The following SEMA6D variants were observed in gnomAD, a reference collection of about 807,000 sequenced individuals.
SEMA6D encodes the protein semaphorin-6D.
Under a neutral mutation model 106.6 loss-of-function variants are expected in SEMA6D, and 35 were observed. That is an observed-to-expected ratio of 0.33 (90% confidence interval 0.25 to 0.44). SEMA6D has a LOEUF of 0.44. Ranked by LOEUF, SEMA6D falls within the 20% of genes least tolerant of loss-of-function variation. The pLI is 1.00. For missense variants in SEMA6D, 1,185 were observed against 1,345.9 expected (o/e 0.88, Z 1.87); for synonymous variants, 499 against 487.7 (o/e 1.02, Z -0.31).
At chr15:47,332,429 T>C (rs948816303) in intron 1 of SEMA6D, among the ~76,000 whole-genome samples, 11 of 152,194 alleles carry the variant, frequency 7.2e-5, no homozygotes, top group African/African-American at 2.2e-4. Context: ...TATCTTTAAG[T>C]TCAAGGTTTT....
At chr15:47,243,043 A>G (rs1036973213) in intron 1 of SEMA6D, among the ~76,000 whole-genome samples, 1 of 152,138 alleles carries the variant, frequency 6.6e-6, no homozygotes. Context: ...AAACACACAC[A>G]ATCACTTATA....
rs546599053 is a variant in SEMA6D at position 47,220,102 on chromosome 15, C to A, written c.-239+35684C>A. Among the ~76,000 whole-genome samples the A allele has an allele frequency of 6.6e-5, 10 of 152,302 alleles. No individual in the cohort carries two copies. The East Asian group carries it at 1.7e-3, about 27-fold the overall frequency. ...AGCACACTGTCACCTCCACTATATTCTGTTGGCCAAAACAAGTTGCAGGGC... is the reference window on the plus strand; with the variant it reads ...AGCACACTGTCACCTCCACTATATTATGTTGGCCAAAACAAGTTGCAGGGC... On this transcript the variant is annotated intron_variant, in intron 1 of 19. Coordinates refer to the SEMA6D transcript ENST00000558014.
intron 1 of SEMA6D, among the ~76,000 whole-genome samples, chr15:47,233,939 A>T (rs1251921306): frequency 6.6e-6 from 1 of 151,754 alleles, no homozygotes; most frequent in East Asian, 1.9e-4. Context: ...TTAGCTAGGA[A>T]CTCCAATACA....
intron 2 of SEMA6D, among the ~76,000 whole-genome samples, chr15:47,444,771 A>C (rs2041979780): frequency 6.6e-6 from 1 of 152,086 alleles, no homozygotes; most frequent in Admixed American, 6.6e-5. Context: ...AGTGTCTAGG[A>C]GTGGGTGTCT....
chr15:47,364,200 T>TA (rs537580141), intron 1 of SEMA6D, among the ~76,000 whole-genome samples: 2 of 152,220 alleles, frequency 1.3e-5, no homozygotes, highest in African/African-American at 2.4e-5. Context: ...ATCACTCAGT[T>TA]AGACTTGCTC....
At chr15:47,276,116 G>C (rs1238112172) in intron 1 of SEMA6D, among the ~76,000 whole-genome samples, 1 of 152,126 alleles carries the variant, frequency 6.6e-6, no homozygotes, top group African/African-American at 2.4e-5. Context: ...AAGAAGAAAA[G>C]TTTGAAGCTA....
chr15:47,331,542 TAC>T (rs2037339937), intron 1 of SEMA6D, among the ~76,000 whole-genome samples: 1 of 152,156 alleles, frequency 6.6e-6, no homozygotes, highest in Admixed American at 6.6e-5. Flanking sequence ...ATAAAATATA[TAC>T]AGTGTTATAT....
intron 1 of SEMA6D, among the ~76,000 whole-genome samples, chr15:47,193,545 G>C (rs1270844611): frequency 6.6e-6 from 1 of 152,100 alleles, no homozygotes; most frequent in African/African-American, 2.4e-5. Flanking sequence ...ACTCTTCTCT[G>C]CTTAAAACCA....
At chr15:47,250,416 A>G (rs1034067854) in intron 1 of SEMA6D, among the ~76,000 whole-genome samples, 11 of 152,058 alleles carry the variant, frequency 7.2e-5, no homozygotes, top group African/African-American at 1.9e-4. Context: ...GAGAGAAAGA[A>G]GGAAAGAACC....
intron 4 of SEMA6D, among the ~76,000 whole-genome samples, chr15:47,709,195 G>A (rs566388185): frequency 1.3e-5 from 2 of 152,172 alleles, no homozygotes; most frequent in African/African-American, 4.8e-5. Context: ...CTTGACTGAA[G>A]GACACAGCTG....
intron 3 of SEMA6D, among the ~76,000 whole-genome samples, chr15:47,501,764 A>G (rs1190222803): frequency 2.0e-5 from 3 of 152,230 alleles, no homozygotes; most frequent in Non-Finnish European, 4.4e-5. Context: ...TACATCAGTT[A>G]ATTGACAAAG....
intron 4 of SEMA6D, among the ~76,000 whole-genome samples, chr15:47,618,112 G>T (rs771657115): frequency 6.6e-6 from 1 of 152,172 alleles, no homozygotes; most frequent in Non-Finnish European, 1.5e-5. Context: ...CCTAACCCTT[G>T]CTGGGCTTTA....
At chr15:47,624,772 G>A (rs1254093324) in intron 4 of SEMA6D, among the ~76,000 whole-genome samples, 2 of 152,198 alleles carry the variant, frequency 1.3e-5, no homozygotes, top group Non-Finnish European at 2.9e-5. Flanking sequence ...ATTAAATGAG[G>A]CTTGATATAT....
intron 4 of SEMA6D, among the ~76,000 whole-genome samples, chr15:47,621,351 C>T (rs1159239067): frequency 2.0e-5 from 3 of 152,070 alleles, no homozygotes; most frequent in African/African-American, 7.2e-5. Context: ...GTTATAAGCA[C>T]TGTATGTCCA....
At chr15:47,648,442 G>A (rs2077622315) in intron 4 of SEMA6D, among the ~76,000 whole-genome samples, 3 of 151,976 alleles carry the variant, frequency 2.0e-5, no homozygotes, top group Admixed American at 2.0e-4. Flanking sequence ...GGTAGACTCT[G>A]GCCACCTGCA....
At chr15:47,504,353 G>A (rs2043963264) in intron 3 of SEMA6D, among the ~76,000 whole-genome samples, 1 of 152,234 alleles carries the variant, frequency 6.6e-6, no homozygotes, top group Admixed American at 6.5e-5. Context: ...AGTTGTCCCT[G>A]TTGTCCCACA....
intron 3 of SEMA6D, among the ~76,000 whole-genome samples, chr15:47,497,498 TC>T (rs1285804281): frequency 3.9e-5 from 6 of 152,100 alleles, no homozygotes; most frequent in African/African-American, 1.4e-4. Flanking sequence ...CTTTTGAAAT[TC>T]CTACTTTCCT....
chr15:47,726,390 C>T (rs533119305), intron 1 of SEMA6D, among the ~76,000 whole-genome samples: 2 of 152,330 alleles, frequency 1.3e-5, no homozygotes, highest in South Asian at 2.1e-4. Context: ...CATTCTTTGA[C>T]GTGAGTAACA....
intron 2 of SEMA6D, among the ~76,000 whole-genome samples, chr15:47,440,134 GACT>G (rs2041837915): frequency 1.3e-5 from 2 of 151,976 alleles, no homozygotes; most frequent in South Asian, 2.1e-4. Flanking sequence ...ACGTGTTAGA[GACT>G]GGATGAAAGC....
Sources: allele counts gnomAD v4.1 joint callset (sites outside exome capture counted in the v4.1 genomes callset), GRCh38; gene constraint gnomAD v4.1.1; transcripts MANE v1.5; gene names NCBI Gene and HGNC (gene_info 2026-07-23, HGNC 2026-07-21).